The following CCDC192 variants were observed in gnomAD, a reference collection of about 807,000 sequenced individuals.
The protein encoded by CCDC192 is coiled-coil domain containing 192.
chr5:127,925,925 A>G (rs1753850417), intron 6 of CCDC192, among the ~76,000 whole-genome samples: 1 of 152,200 alleles, frequency 6.6e-6, no homozygotes, highest in South Asian at 2.1e-4. Flanking sequence ...AATTAAATTT[A>G]AAGGCATTTA....
intron 6 of CCDC192, among the ~76,000 whole-genome samples, chr5:127,928,746 A>G (rs1753933925): frequency 6.6e-6 from 1 of 152,014 alleles, no homozygotes; most frequent in Non-Finnish European, 1.5e-5. Flanking sequence ...GAAAATCTCA[A>G]TAACAAATTT....
At chr5:127,808,595 C>T (rs1268179765) in intron 5 of CCDC192, among the ~76,000 whole-genome samples, 2 of 152,242 alleles carry the variant, frequency 1.3e-5, no homozygotes, top group South Asian at 2.1e-4. Flanking sequence ...ACTAAGAATT[C>T]CTCTAGGTTC....
chr5:127,881,882 T>G (rs143778624), intron 6 of CCDC192, among the ~76,000 whole-genome samples: 1 of 152,204 alleles, frequency 6.6e-6, no homozygotes, highest in African/African-American at 2.4e-5. Context: ...CTTCAAAGCT[T>G]GAGTCCACCT....
At chr5:127,705,268 T>C (rs1750899319) in intron 1 of CCDC192, among the ~76,000 whole-genome samples, 1 of 152,224 alleles carries the variant, frequency 6.6e-6, no homozygotes, top group African/African-American at 2.4e-5. Context: ...ACTCATGACC[T>C]TTAAATATAA....
Position 127,857,051 on chromosome 5 carries a change from GAA to G in CCDC192, c.412-18486_412-18485del, listed in dbSNP as rs374136151. The stretch of plus-strand genomic sequence containing the variant: ...AATTTGTGAAAAATGTGTTGTCTGA[GAA>G]GAGCAATAAAGTAAAGCATAATAAA... On this transcript the variant is annotated intron_variant, in intron 5 of 6. Transcript: ENST00000514853. Among the ~76,000 whole-genome samples the G allele has an allele frequency of 1.7e-3, 262 of 152,068 alleles. 3 individuals are homozygous for G. Among genetic ancestry groups the G allele is most frequent in the African/African-American group, 5.9e-3 (243 of 41,336 alleles).
chr5:127,882,757 A>G (rs1181753076), intron 6 of CCDC192, among the ~76,000 whole-genome samples: 4 of 152,198 alleles, frequency 2.6e-5, no homozygotes, highest in South Asian at 4.2e-4. Context: ...CATTCCAAGC[A>G]TTTAGAGAGA....
chr5:127,740,502 AAGG>A (rs1455887378), intron 2 of CCDC192, among the ~76,000 whole-genome samples: 1 of 152,286 alleles, frequency 6.6e-6, no homozygotes, highest in African/African-American at 2.4e-5. Flanking sequence ...TCTCATGAAA[AAGG>A]TTTCTATGAA....
At chr5:127,832,547 A>G in intron 5 of CCDC192, among the ~76,000 whole-genome samples, 1 of 152,212 alleles carries the variant, frequency 6.6e-6, no homozygotes, top group East Asian at 1.9e-4. Context: ...AAAATAGAGT[A>G]ACAACTTTTT....
At chr5:127,888,910 CAA>C (rs1374582695) in intron 6 of CCDC192, among the ~76,000 whole-genome samples, 4 of 152,274 alleles carry the variant, frequency 2.6e-5, no homozygotes, top group East Asian at 3.9e-4. Context: ...TTGTAAGTCC[CAA>C]GAGAGAGTCA....
Position 127,904,935 on chromosome 5 carries a change from G to C in CCDC192, c.535+29274G>C, listed in dbSNP as rs75370250. ...TTTAGGTGACAGATGTCACCTTCCAGGCTCAGACAATGAAAAGCCTCTGTG... is the reference window on the plus strand; with the variant it reads ...TTTAGGTGACAGATGTCACCTTCCACGCTCAGACAATGAAAAGCCTCTGTG... On this transcript the variant is annotated intron_variant, in intron 6 of 6. Coordinates refer to ENST00000514853, the MANE Select transcript of CCDC192 (RefSeq NM_001317938.2). Among the ~76,000 whole-genome samples, 347 of 152,134 alleles carry C rather than the reference G, an allele frequency of 2.3e-3. 2 individuals carry two copies. The highest frequency in any genetic ancestry group is 8.0e-3 in the African/African-American group (333 of 41,512).
chr5:127,812,010 C>G lies in CCDC192; in HGVS notation c.411+13848C>G, dbSNP rs143814910. Among the ~76,000 whole-genome samples the G allele has an allele frequency of 6.4e-3, 976 of 152,276 alleles. 9 individuals are homozygous for G. Among genetic ancestry groups the G allele is most frequent in the African/African-American group, 0.023 (941 of 41,550 alleles). On this transcript the variant is annotated intron_variant, in intron 5 of 6. Coordinates refer to ENST00000514853, the MANE Select transcript of CCDC192 (RefSeq NM_001317938.2). ...AGACAGACTGCTTTGGTTTAGAGCC[C>G]AGCTCTACCAGTTACTAGCTGAGTG...
At chr5:127,858,394 T>G (rs1231071606) in intron 5 of CCDC192, among the ~76,000 whole-genome samples, 1 of 152,230 alleles carries the variant, frequency 6.6e-6, no homozygotes, top group Non-Finnish European at 1.5e-5. Context: ...CATTACCTAA[T>G]TAATGCCTCT....
At chr5:127,844,627 CAAAGGGTGAGG>C (rs1384579987) in intron 5 of CCDC192, among the ~76,000 whole-genome samples, 1 of 152,160 alleles carries the variant, frequency 6.6e-6, no homozygotes, top group African/African-American at 2.4e-5. Context: ...CTAGCAGAGA[CAAAGGGTGAGG>C]AGACAGGGCT....
intron 5 of CCDC192, among the ~76,000 whole-genome samples, chr5:127,867,497 A>T (rs1257921414): frequency 1.3e-5 from 2 of 152,152 alleles, no homozygotes; most frequent in Non-Finnish European, 2.9e-5. Flanking sequence ...TTTGCCAATG[A>T]TACTATACCA....
intron 6 of CCDC192, among the ~76,000 whole-genome samples, chr5:127,930,819 C>T (rs1195281700): frequency 6.6e-6 from 1 of 152,216 alleles, no homozygotes; most frequent in African/African-American, 2.4e-5. Context: ...ATACACACTG[C>T]ACTCTGCTCA....
chr5:127,836,480 C>G lies in CCDC192; in HGVS notation c.411+38318C>G, dbSNP rs549771361. Among the ~76,000 whole-genome samples, 198 of 152,324 alleles carry G rather than the reference C, an allele frequency of 1.3e-3. 1 individual carries two copies. The highest frequency in any genetic ancestry group is 4.7e-3 in the African/African-American group (195 of 41,572). The stretch of plus-strand genomic sequence containing the variant: ...CCAGTGGGGACTCTGTATGGGGGCT[C>G]CAATCCCACATTTCCCCTTTGCACT... On this transcript the variant is annotated intron_variant, in intron 5 of 6. Transcript: ENST00000514853.
chr5:127,816,954 C>T (rs1349862378), intron 5 of CCDC192, among the ~76,000 whole-genome samples: 3 of 152,174 alleles, frequency 2.0e-5, no homozygotes, highest in Non-Finnish European at 2.9e-5. Context: ...TGACTTATTC[C>T]ATGCTATTTG....
At chr5:127,890,801 C>G (rs1433889984) in intron 6 of CCDC192, among the ~76,000 whole-genome samples, 1 of 152,178 alleles carries the variant, frequency 6.6e-6, no homozygotes, top group Non-Finnish European at 1.5e-5. Flanking sequence ...CTTTCTTATA[C>G]TCATATTCCC....
intron 5 of CCDC192, among the ~76,000 whole-genome samples, chr5:127,810,481 G>T (rs1263910389): frequency 6.6e-6 from 1 of 152,186 alleles, no homozygotes; most frequent in Non-Finnish European, 1.5e-5. Flanking sequence ...GGGTAGTCTA[G>T]CTGTATACCC....
Sources: allele counts gnomAD v4.1 joint callset (sites outside exome capture counted in the v4.1 genomes callset), GRCh38; gene constraint gnomAD v4.1.1; transcripts MANE v1.5; gene names NCBI Gene and HGNC (gene_info 2026-07-23, HGNC 2026-07-21).